ITGAV: variants seen among roughly 807,000 people sequenced by gnomAD.
The protein encoded by ITGAV is integrin alpha-V.
Under a neutral mutation model 143.8 loss-of-function variants are expected in ITGAV, and 76 were observed. The ratio of observed to expected loss-of-function variants is 0.53; its 90% CI spans 0.44 to 0.64. ITGAV has a LOEUF of 0.64. Ranked by LOEUF, ITGAV falls within the 30% of genes least tolerant of loss-of-function variation. The probability of loss-of-function intolerance (pLI) is 0.00; values close to 1 mark genes in which losing one functional copy is unlikely to be tolerated. For missense variants in ITGAV, 1,193 were observed against 1,274.7 expected, an observed-to-expected ratio of 0.94 and a Z score of 0.98; for synonymous variants, 453 against 446.7, an observed-to-expected ratio of 1.01 and a Z score of -0.18.
intron 1 of ITGAV, 103 bp from the exon 2 acceptor site, chr2:186,601,918 T>C (rs1686918253): frequency 8.2e-7 from 1 of 1,219,260 alleles, no homozygotes; most frequent in Non-Finnish European, 1.1e-6. Flanking sequence ...TTTTAAAAAA[T>C]ATTTATAGAT....
intron 1 of ITGAV, among the ~76,000 whole-genome samples, chr2:186,599,850 C>T (rs1175838694): frequency 6.6e-6 from 1 of 152,228 alleles, no homozygotes; most frequent in East Asian, 1.9e-4. Flanking sequence ...ATTCAGGCCT[C>T]CAGCGATTGC....
intron 13 of ITGAV, among the ~76,000 whole-genome samples, chr2:186,647,864 G>A (rs567612176): frequency 6.6e-6 from 1 of 152,258 alleles, no homozygotes; most frequent in South Asian, 2.1e-4. Flanking sequence ...GTGTTGGTCT[G>A]TTTCCAGAAA....
chr2:186,633,867 T>C (rs1354991467), intron 6 of ITGAV, among the ~76,000 whole-genome samples: 1 of 152,008 alleles, frequency 6.6e-6, no homozygotes, highest in Non-Finnish European at 1.5e-5. Context: ...GTTTGGGGAC[T>C]TCTTAAAAAT....
Position 186,680,275 on chromosome 2 carries a change from C to CA in ITGAV, c.*2989dup, listed in dbSNP as rs1689317086. 6.6e-6 allele frequency: 1 copy of CA among 152,164 alleles called. No individual in the cohort carries two copies. 9.4% of individuals were successfully genotyped at this position (152,164 alleles called of 1,614,324 possible). A position where few individuals can be genotyped will look rare whatever the true frequency, so the allele number is the denominator to read the frequency against. ...AAAATTTGAAAAATGATTGTAGGAT[C>CA]AAAAAAGGCAGATGAAATTACTTAA... is the stretch of plus-strand genomic sequence containing the variant. On this transcript the variant is annotated 3_prime_UTR_variant, in exon 30 of 30. Coordinates refer to ENST00000261023, the MANE Select transcript of ITGAV (RefSeq NM_002210.5).
chr2:186,652,500 C>A (rs1000931568), intron 15 of ITGAV, among the ~76,000 whole-genome samples: 2 of 152,086 alleles, frequency 1.3e-5, no homozygotes, highest in African/African-American at 2.4e-5. Flanking sequence ...GCCTTATACT[C>A]TATTTTCATG....
chr2:186,675,381 G>A (rs1689178660), intron 26 of ITGAV, among the ~76,000 whole-genome samples: 1 of 151,952 alleles, frequency 6.6e-6, no homozygotes, highest in Non-Finnish European at 1.5e-5. Flanking sequence ...CATTTACAAG[G>A]AACTACATGT....
chr2:186,651,682 A>G (rs944767986), intron 14 of ITGAV, among the ~76,000 whole-genome samples: 20 of 152,098 alleles, frequency 1.3e-4, no homozygotes, highest in African/African-American at 4.6e-4. Context: ...ATATCTCACA[A>G]CTTATTTAGC....
At chr2:186,630,766 T>C (rs1687795643) in intron 4 of ITGAV, 31 bp from the exon 5 acceptor site, 1 of 1,223,650 alleles carries the variant, frequency 8.2e-7, no homozygotes, top group African/African-American at 1.5e-5. Context: ...TGTTTTTGGG[T>C]TTGTGTATAT....
At chr2:186,592,378 A>C (rs1686637938) in intron 1 of ITGAV, among the ~76,000 whole-genome samples, 1 of 152,172 alleles carries the variant, frequency 6.6e-6, no homozygotes, top group African/African-American at 2.4e-5. Context: ...GGTTGCAGTG[A>C]ATGGAGATTG....
chr2:186,653,949 C>G (rs1275011432), intron 15 of ITGAV, among the ~76,000 whole-genome samples: 2 of 152,140 alleles, frequency 1.3e-5, no homozygotes, highest in African/African-American at 4.8e-5. Flanking sequence ...GTTTCACAAC[C>G]TGCTAATAAA....
At chr2:186,613,176 A>G (rs1687263098) in intron 2 of ITGAV, among the ~76,000 whole-genome samples, 1 of 149,296 alleles carries the variant, frequency 6.7e-6, no homozygotes, top group Admixed American at 6.6e-5. Flanking sequence ...AATCCCCAGT[A>G]AAGAGGTTTT....
chr2:186,591,150 T>C (rs2105640412), intron 1 of ITGAV, among the ~76,000 whole-genome samples: 1 of 152,370 alleles, frequency 6.6e-6, no homozygotes, highest in African/African-American at 2.4e-5. Flanking sequence ...ATGTGTCATC[T>C]GTTCTTTTTA....
intron 3 of ITGAV, among the ~76,000 whole-genome samples, chr2:186,623,195 C>T (rs1340898165): frequency 6.6e-6 from 1 of 152,216 alleles, no homozygotes; most frequent in African/African-American, 2.4e-5. Flanking sequence ...ACTTCACATT[C>T]CCTTTCCTAT....
At chr2:186,633,835 A>G (rs7585471) in intron 6 of ITGAV, among the ~76,000 whole-genome samples, 49,113 of 151,824 alleles carry the variant, frequency 0.32, 8,955 homozygotes, top group East Asian at 0.76. Flanking sequence ...ATTATTACTG[A>G]TATTGAGAAT....
intron 4 of ITGAV, among the ~76,000 whole-genome samples, chr2:186,628,057 A>G (rs983522570): frequency 2.0e-5 from 3 of 152,180 alleles, no homozygotes; most frequent in African/African-American, 7.2e-5. Context: ...TTGTGCTGAC[A>G]ATCCACCTAT....
intron 26 of ITGAV, among the ~76,000 whole-genome samples, chr2:186,670,427 A>G (rs956132966): frequency 2.0e-5 from 3 of 152,022 alleles, no homozygotes; most frequent in Non-Finnish European, 4.4e-5. Context: ...CAGTCCCCCA[A>G]GTAGCTAGGA....
intron 1 of ITGAV, among the ~76,000 whole-genome samples, chr2:186,597,872 G>A (rs1686787889): frequency 6.6e-6 from 1 of 152,164 alleles, no homozygotes; most frequent in South Asian, 2.1e-4. Context: ...ATCCGAGTTG[G>A]ACAGTTTCAT....
chr2:186,591,542 A>G (rs1482057405), intron 1 of ITGAV, among the ~76,000 whole-genome samples: 1 of 152,120 alleles, frequency 6.6e-6, no homozygotes, highest in Non-Finnish European at 1.5e-5. Flanking sequence ...TATTTTCTGT[A>G]TAAGATATCC....
chr2:186,641,691 C>A (rs112006590), intron 12 of ITGAV, 103 bp downstream of exon 12: 5 of 890,434 alleles, frequency 5.6e-6, no homozygotes, highest in African/African-American at 1.7e-5. Context: ...AATCTCCTTC[C>A]TGGAAAGGTG....
Sources: gnomAD v4.1 joint callset for allele counts (sites outside exome capture counted in the v4.1 genomes callset) on GRCh38, gnomAD v4.1.1 for gene constraint, MANE v1.5 for transcripts, NCBI Gene and HGNC (gene_info 2026-07-23, HGNC 2026-07-21) for gene names.